The following DNAI3 variants were observed in gnomAD, a reference collection of about 807,000 sequenced individuals.
DNAI3 encodes the protein dynein axonemal intermediate chain 3, also known as WD repeat domain 63.
A neutral mutation model predicts 115.5 loss-of-function variants in DNAI3; 83 were observed. That is an observed-to-expected ratio of 0.72 (90% CI 0.60 to 0.86). DNAI3 has a LOEUF of 0.86. Among genes scored for constraint, DNAI3 ranks in the 40% least tolerant of loss-of-function variants. DNAI3 has a pLI of 0.00. For synonymous variants in DNAI3, 320 were observed against 347.0 expected (o/e 0.92, Z 0.86); for missense variants, 1,004 against 1,075.8 (o/e 0.93, Z 0.93).
At chr1:85,109,380 G>A (rs1314643388) in intron 15 of DNAI3, among the ~76,000 whole-genome samples, 1 of 152,186 alleles carries the variant, frequency 6.6e-6, no homozygotes, top group Non-Finnish European at 1.5e-5. Flanking sequence ...TGAGATAACT[G>A]GGAAATAATT....
At chr1:85,125,658 G>A (rs1020452817) in intron 19 of DNAI3, among the ~76,000 whole-genome samples, 1 of 152,044 alleles carries the variant, frequency 6.6e-6, no homozygotes, top group African/African-American at 2.4e-5. Context: ...CAAGGTGCTG[G>A]GAGAAGTAGA....
chr1:85,096,630 A>G (rs1655134724), intron 11 of DNAI3, among the ~76,000 whole-genome samples: 1 of 151,946 alleles, frequency 6.6e-6, no homozygotes. Flanking sequence ...TCTCTAGTGA[A>G]GCAAAACAAT....
intron 22 of DNAI3, among the ~76,000 whole-genome samples, chr1:85,130,704 GA>G (rs1557729963): frequency 4.2e-4 from 46 of 109,968 alleles, no homozygotes; most frequent in African/African-American, 1.5e-3. Context: ...TAGATAGATA[GA>G]TAGATAGATA....
chr1:85,099,347 G>T, intron 13 of DNAI3: 3 of 905,798 alleles, frequency 3.3e-6, no homozygotes, highest in Non-Finnish European at 4.0e-6. Context: ...CAGACAGAGA[G>T]CCAAATCATG....
chr1:85,128,885 A>AT, intron 21 of DNAI3, 86 bp downstream of exon 21: 1 of 1,259,196 alleles, frequency 7.9e-7, no homozygotes, highest in South Asian at 1.3e-5. Flanking sequence ...AAATGACAGC[A>AT]TTTTTGCTCT....
At chr1:85,085,625 C>A (rs1234321003) in intron 6 of DNAI3, among the ~76,000 whole-genome samples, 1 of 152,152 alleles carries the variant, frequency 6.6e-6, no homozygotes, top group Non-Finnish European at 1.5e-5. Flanking sequence ...GTTCTTTGCA[C>A]CTGCTGGCAA....
intron 3 of DNAI3, among the ~76,000 whole-genome samples, chr1:85,074,513 CT>C (rs1055134418): frequency 7.9e-5 from 12 of 152,322 alleles, no homozygotes; most frequent in African/African-American, 2.9e-4. Context: ...ATAGATAGAT[CT>C]TCCCTTTATG....
In DNAI3 at chr1:85,067,281, C is replaced by T. The variant is rs181557756; in HGVS notation, c.-14-4647C>T. Among the ~76,000 whole-genome samples, 80 of 152,332 alleles carry T rather than the reference C, an allele frequency of 5.3e-4. 1 individual carries two copies. Among genetic ancestry groups the T allele is most frequent in the African/African-American group, 1.8e-3 (75 of 41,572 alleles). On this transcript the variant is annotated intron_variant, in intron 1 of 22. Transcript: ENST00000294664. The stretch of plus-strand genomic sequence containing the variant: ...GGTCACTAGTCACTCTGCCCTTAGT[C>T]ACTAGTCAGTAATTTAGACAGAAGT...
At chr1:85,132,754 C>T in intron 22 of DNAI3, 101 bp from the exon 23 acceptor site, 1 of 1,392,822 alleles carries the variant, frequency 7.2e-7, no homozygotes, top group Non-Finnish European at 9.5e-7. Context: ...TTCCAGAAAA[C>T]AGCAGCCAGG....
chr1:85,132,710 T>G, intron 22 of DNAI3, 145 bp from the exon 23 acceptor site: 3 of 753,012 alleles, frequency 4.0e-6, no homozygotes, highest in Non-Finnish European at 3.9e-6. Flanking sequence ...CCTGCCCACC[T>G]GCCCTCCTGC....
chr1:85,071,969 T>A lies in DNAI3; in HGVS notation c.28T>A (p.Ser10Thr). The A allele has an allele frequency of 1.2e-6, 2 of 1,611,626 alleles. No individual in the cohort carries two copies. The highest frequency in any genetic ancestry group is 1.1e-5 in the South Asian group (1 of 90,332). ...GGCTCCAAAACAAAAGAAAAAGACATCACGTGGCAAAAAAAGACTAAAACC... is the reference window on the plus strand; with the variant it reads ...GGCTCCAAAACAAAAGAAAAAGACAACACGTGGCAAAAAAAGACTAAAACC... MAPKQKKKTSRGKKRLKPVL... is the reference protein window; with the variant it reads MAPKQKKKTTRGKKRLKPVL... The change falls in exon 2 of 23, where the codon TCA becomes ACA. Residue 10 changes from serine to threonine, a missense_variant. Physicochemically the swap from Ser to Thr is moderately conservative, Grantham distance 58. Around this residue, in one of 3 missense-constraint regions of DNAI3, gnomAD observed 550 missense variants for 568.1 expected, o/e 0.97. Coordinates refer to ENST00000294664, the MANE Select transcript of DNAI3 (RefSeq NM_145172.5).
At position 85,110,243 on chromosome 1, in the gene DNAI3, A is replaced by C. The variant is rs963153817; in HGVS notation, c.1786+108A>C. The C allele has an allele frequency of 3.4e-6, 3 of 878,946 alleles. No individual in the cohort carries two copies. The African/African-American group carries it at 5.2e-5, about 15-fold the overall frequency. The allele number at this position is 878,946 out of a possible 1,614,324, so 54.4% of individuals were successfully genotyped here. A position where few individuals can be genotyped will look rare whatever the true frequency, so the allele number is the denominator to read the frequency against. ...GAGGCGGGCGGATCACGAGGTCAGCAGATCGAGATCATCCTGGCTAACACG... is the reference window on the plus strand; with the variant it reads ...GAGGCGGGCGGATCACGAGGTCAGCCGATCGAGATCATCCTGGCTAACACG... On this transcript the variant is annotated intron_variant, in intron 16 of 22. Transcript: ENST00000294664.
At position 85,126,547 on chromosome 1, in the gene DNAI3, A is replaced by G. The variant is rs1656145246; in HGVS notation, c.2149A>G (p.Arg717Gly). The stretch of plus-strand genomic sequence containing the variant: ...CCTTCAGTCATGCTGTGCACCAAAA[A>G]GGTACACCTCAGGCCACTGGTCCCT... Reference protein sequence around the residue: ...PLLQSCCAPKRYTSGHWSLTR... With the variant: ...PLLQSCCAPKGYTSGHWSLTR... The change falls in exon 20 of 23, where the codon AGG becomes GGG. Residue 717 changes from arginine to glycine, a missense_variant. Physicochemically the swap from Arg to Gly is moderately radical, Grantham distance 125 (BLOSUM62 -2). Coordinates refer to ENST00000294664, the MANE Select transcript of DNAI3 (RefSeq NM_145172.5). The G allele has an allele frequency of 1.2e-6, 2 of 1,614,146 alleles. No individual in the cohort carries two copies. Among genetic ancestry groups the G allele is most frequent in the East Asian group, 2.2e-5 (1 of 44,882 alleles).
At chr1:85,065,665 T>C (rs898035) in intron 1 of DNAI3, among the ~76,000 whole-genome samples, 131,306 of 152,182 alleles carry the variant, frequency 0.86, 56,838 homozygotes, top group South Asian at 0.92. Context: ...TTGTGACATA[T>C]ACTCCCTTCA....
intron 19 of DNAI3, among the ~76,000 whole-genome samples, chr1:85,125,457 T>C (rs1247703003): frequency 6.6e-6 from 1 of 151,996 alleles, no homozygotes; most frequent in Non-Finnish European, 1.5e-5. Context: ...ATATTTATCA[T>C]TGAAAATAAT....
At chr1:85,079,570 A>T (rs1654566801) in intron 3 of DNAI3, among the ~76,000 whole-genome samples, 1 of 152,050 alleles carries the variant, frequency 6.6e-6, no homozygotes, top group Non-Finnish European at 1.5e-5. Context: ...GTGCTAGAGG[A>T]GATGGGAGTG....
intron 19 of DNAI3, among the ~76,000 whole-genome samples, chr1:85,124,924 C>T (rs568603449): frequency 1.3e-5 from 2 of 152,130 alleles, no homozygotes; most frequent in African/African-American, 4.8e-5. Flanking sequence ...TCATCTTTCC[C>T]TCTGCACCAG....
In DNAI3 at chr1:85,091,444, G is replaced by T. The variant is rs574309087; in HGVS notation, c.857+1212G>T. ...GAAGGAGAAGCCAGATCTATAAGAAGAAAGAGGAAAATTGGCACAGGAATT... is the reference window on the plus strand; with the variant it reads ...GAAGGAGAAGCCAGATCTATAAGAATAAAGAGGAAAATTGGCACAGGAATT... On this transcript the variant is annotated intron_variant, in intron 8 of 22. Transcript: ENST00000294664. 3.3e-5 allele frequency among the ~76,000 whole-genome samples: 5 copies of T among 152,288 alleles called. 1 individual carries two copies. In the South Asian group the frequency reaches 1.0e-3, roughly 32 times the overall value.
At chr1:85,114,800 A>G (rs937985046) in intron 16 of DNAI3, among the ~76,000 whole-genome samples, 1 of 151,730 alleles carries the variant, frequency 6.6e-6, no homozygotes, top group African/African-American at 2.4e-5. Flanking sequence ...CTATCCCACC[A>G]TTTTCTCTTG....
Sources: gnomAD v4.1 joint callset for allele counts (sites outside exome capture counted in the v4.1 genomes callset) on GRCh38, gnomAD v4.1.1 for gene constraint, gnomAD v4.1.1 regional missense constraint, MANE v1.5 for transcripts, NCBI Gene and HGNC (gene_info 2026-07-23, HGNC 2026-07-21) for gene names.